The following ACOT7 variants were observed in gnomAD, a reference collection of about 807,000 sequenced individuals.
The protein encoded by ACOT7 is acyl-CoA thioesterase 7.
Under a neutral mutation model 40.2 loss-of-function variants are expected in ACOT7, and 12 were observed. The ratio of observed to expected loss-of-function variants is 0.30; its 90% confidence interval spans 0.19 to 0.48. The LOEUF (loss-of-function observed/expected upper bound fraction) is 0.48. ACOT7 is among the 20% of genes least tolerant of loss of function. ACOT7 has a pLI of 0.99. For synonymous variants in ACOT7, 228 were observed against 219.5 expected (o/e 1.04, Z -0.34); for missense variants, 395 against 530.8 (o/e 0.74, Z 2.51).
rs1229187729 is a variant in ACOT7, at chr1:6,330,173, G to C, written c.511-2760C>G. Among the ~76,000 whole-genome samples the C allele has an allele frequency of 6.6e-6, 1 of 152,172 alleles. No homozygotes were observed. Among genetic ancestry groups the C allele is most frequent in the East Asian group, 1.9e-4 (1 of 5,202 alleles). On this transcript the variant is annotated intron_variant, in intron 4 of 8. Coordinates refer to ENST00000361521, the MANE Select transcript of ACOT7 (RefSeq NM_007274.4). The surrounding 1 kb of genome is among the most constrained non-coding windows in gnomAD (Gnocchi z 4.6). ...ATATCTGTATATCTATACATACAGG[G>C]ACGTACATTTTCCTAAATCGGGGAT...
chr1:6,312,550 C>T (rs1640369058), intron 6 of ACOT7, among the ~76,000 whole-genome samples: 3 of 152,012 alleles, frequency 2.0e-5, no homozygotes, highest in Admixed American at 1.3e-4. Context: ...TCACTGTAAC[C>T]CCTCCCTCCT....
intron 1 of ACOT7, among the ~76,000 whole-genome samples, chr1:6,368,878 C>T (rs1642072248): frequency 6.6e-6 from 1 of 152,218 alleles, no homozygotes; most frequent in South Asian, 2.1e-4. Context: ...CCCCACTGCA[C>T]CTGGCGTGAG....
At chr1:6,367,599 C>T (rs768020208) in intron 1 of ACOT7, among the ~76,000 whole-genome samples, 99 of 152,180 alleles carry the variant, frequency 6.5e-4, no homozygotes, top group Non-Finnish European at 1.3e-3. Flanking sequence ...GGACCAAGCG[C>T]ACCTCAAGCA....
intron 8 of ACOT7, among the ~76,000 whole-genome samples, chr1:6,271,357 C>G (rs1046837532): frequency 2.6e-5 from 4 of 152,190 alleles, no homozygotes; most frequent in African/African-American, 9.7e-5. Context: ...GGGACACAGA[C>G]CTTCTTAATT....
chr1:6,305,711 A>G (rs1372150575), intron 6 of ACOT7, among the ~76,000 whole-genome samples: 1 of 137,022 alleles, frequency 7.3e-6, no homozygotes, highest in Admixed American at 7.4e-5. Context: ...CAGACTGGGC[A>G]GCCAGGCAGA....
intron 5 of ACOT7, among the ~76,000 whole-genome samples, chr1:6,319,195 C>A (rs1440643369): frequency 2.0e-5 from 3 of 152,134 alleles, no homozygotes; most frequent in African/African-American, 7.2e-5. Flanking sequence ...AGAAGGTAGA[C>A]CTTTCTTTTT....
At chr1:6,336,981 A>G (rs1641124407) in intron 3 of ACOT7, among the ~76,000 whole-genome samples, 1 of 152,248 alleles carries the variant, frequency 6.6e-6, no homozygotes, top group Non-Finnish European at 1.5e-5. Context: ...TGGGGCTCCA[A>G]GGCCTCCCTG....
chr1:6,367,336 T>C (rs1455801171), intron 1 of ACOT7, among the ~76,000 whole-genome samples: 1 of 152,228 alleles, frequency 6.6e-6, no homozygotes, highest in Non-Finnish European at 1.5e-5. Flanking sequence ...CTGTGTCTTG[T>C]GGCACCTTTG....
At position 6,325,124 on chromosome 1, in the gene ACOT7, C is replaced by T. The variant is rs1040204254; in HGVS notation, c.625+2175G>A. On this transcript the variant is annotated intron_variant, in intron 5 of 8. Coordinates refer to ENST00000361521, the MANE Select transcript of ACOT7 (RefSeq NM_007274.4). ...ATTTTTAAAAGATATCTCAGCCGGG[C>T]GCAGTGGCTCACGTCTGTAATCCCA... is the stretch of plus-strand genomic sequence containing the variant. Among the ~76,000 whole-genome samples, 7 of 152,214 alleles carry T rather than the reference C, an allele frequency of 4.6e-5. No homozygotes were observed. In the South Asian group the frequency reaches 8.3e-4, roughly 18 times the overall value.
intron 1 of ACOT7, among the ~76,000 whole-genome samples, chr1:6,364,234 A>G (rs1641951834): frequency 6.6e-6 from 1 of 152,174 alleles, no homozygotes; most frequent in South Asian, 2.1e-4. Flanking sequence ...AGGAAAATAC[A>G]AAAGTAACAT....
chr1:6,329,649 T>C (rs367693139), intron 4 of ACOT7, among the ~76,000 whole-genome samples: 9 of 151,728 alleles, frequency 5.9e-5, no homozygotes, highest in African/African-American at 1.5e-4. Context: ...TGCCTTTCCA[T>C]CTGGGAACAA....
At position 6,264,554 on chromosome 1, in the gene ACOT7, G is replaced by C. The variant is rs182584558; in HGVS notation, c.*43C>G. Reference sequence around the variant, plus strand: ...TTCTAAGTGACTGGACACTGGGCCCGTTGCCATGGCTACTCGAGGCACCAG... The same window carrying C: ...TTCTAAGTGACTGGACACTGGGCCCCTTGCCATGGCTACTCGAGGCACCAG... On this transcript the variant is annotated 3_prime_UTR_variant, in exon 9 of 9. Transcript: ENST00000361521. 12 of 1,578,062 alleles carry C rather than the reference G, an allele frequency of 7.6e-6. No homozygotes were observed. The highest frequency in any genetic ancestry group is 7.8e-6 in the Non-Finnish European group (9 of 1,157,098).
chr1:6,306,516 A>C lies in ACOT7; in HGVS notation c.713-11536T>G. ...TCCCCACGTCCCGCTCCCCCGCTGA[A>C]GCATCAGGATGGACGTGAAGCTGTT... On this transcript the variant is annotated intron_variant, in intron 6 of 8. Transcript: ENST00000361521. The surrounding 1 kb of genome is among the most constrained non-coding windows in gnomAD (Gnocchi z 4.3). The C allele has an allele frequency of 8.1e-6, 8 of 985,388 alleles. No homozygotes were observed. The highest frequency in any genetic ancestry group is 9.6e-6 in the Non-Finnish European group (8 of 829,934). The allele number at this position is 985,388 out of a possible 1,614,324, so 61.0% of individuals were successfully genotyped here.
chr1:6,378,981 C>T (rs542945735), intron 1 of ACOT7, among the ~76,000 whole-genome samples: 6 of 151,854 alleles, frequency 4.0e-5, no homozygotes, highest in African/African-American at 1.4e-4. Context: ...CTGCAAGCTC[C>T]GCCTCCCGGG....
intron 1 of ACOT7, chr1:6,385,812 C>A (rs549508487): frequency 1.4e-6 from 2 of 1,410,142 alleles, no homozygotes; most frequent in South Asian, 1.5e-5. Context: ...CTCCTAGGAC[C>A]GCCCCTCCCC....
chr1:6,303,697 C>T (rs1361574781), intron 6 of ACOT7, among the ~76,000 whole-genome samples: 7 of 152,140 alleles, frequency 4.6e-5, no homozygotes, highest in East Asian at 3.8e-4. Flanking sequence ...ATACCCCACC[C>T]GTTAGTAATT....
At chr1:6,339,908 T>G (rs1454416590) in intron 2 of ACOT7, among the ~76,000 whole-genome samples, 2 of 146,850 alleles carry the variant, frequency 1.4e-5, no homozygotes, top group Non-Finnish European at 3.0e-5. Context: ...ACAGCGGGCC[T>G]TCCGAGTAGC....
At chr1:6,332,162 T>C (rs910473831) in intron 4 of ACOT7, among the ~76,000 whole-genome samples, 1 of 152,242 alleles carries the variant, frequency 6.6e-6, no homozygotes, top group Admixed American at 6.5e-5. Context: ...TCAGTTTTAT[T>C]ATTTCTAAAA....
chr1:6,370,302 A>G (rs1318794824), intron 1 of ACOT7, among the ~76,000 whole-genome samples: 1 of 152,090 alleles, frequency 6.6e-6, no homozygotes, highest in Non-Finnish European at 1.5e-5. Flanking sequence ...TGAGCCAAAT[A>G]AAGCTCTTTC....
Sources: gnomAD v4.1 joint callset for allele counts (sites outside exome capture counted in the v4.1 genomes callset) on GRCh38, gnomAD v4.1.1 for gene constraint, Gnocchi (gnomAD v3.1) non-coding constraint, MANE v1.5 for transcripts, NCBI Gene and HGNC (gene_info 2026-07-23, HGNC 2026-07-21) for gene names.